Variants in ADGRB3 observed in about 807,000 individuals in gnomAD.
ADGRB3 encodes adhesion G protein-coupled receptor B3, also known as brain-specific angiogenesis inhibitor 3.
A neutral mutation model predicts 193.4 loss-of-function variants in ADGRB3; 37 were observed. The ratio of observed to expected loss-of-function variants is 0.19; its 90% CI spans 0.15 to 0.25. ADGRB3 has a LOEUF of 0.25. ADGRB3 is among the 10% of genes least tolerant of loss of function. The probability of loss-of-function intolerance (pLI) is 1.00; values close to 1 mark genes in which losing one functional copy is unlikely to be tolerated. For missense variants in ADGRB3, 1,637 were observed against 1,852.9 expected (o/e 0.88, Z 2.14); for synonymous variants, 690 against 644.2 (o/e 1.07, Z -1.08).
chr6:69,082,911 G>A lies in ADGRB3; in HGVS notation c.2480+6873G>A, dbSNP rs138211506. On this transcript the variant is annotated intron_variant, in intron 17 of 31. Coordinates refer to ENST00000370598, the MANE Select transcript of ADGRB3 (RefSeq NM_001704.3). ...AAGTGCATTCCTCCAAAAACAATTC[G>A]TATTTGCCTCTGCTTATTACTTGTT... Among the ~76,000 whole-genome samples, 40 of 152,188 alleles carry A rather than the reference G, an allele frequency of 2.6e-4. 1 individual carries two copies. The highest frequency in any genetic ancestry group is 2.2e-3 in the Admixed American group (34 of 15,282).
At position 68,854,198 on chromosome 6, in the gene ADGRB3, G is replaced by A. The variant is rs755989736; in HGVS notation, c.758-76361G>A. Reference sequence around the variant, plus strand: ...TTCCTTCCATTAGGTAATCTCTGCAGTTCTCTGGCTATGGCTGTTAAATAT... The same window carrying A: ...TTCCTTCCATTAGGTAATCTCTGCAATTCTCTGGCTATGGCTGTTAAATAT... On this transcript the variant is annotated intron_variant, in intron 3 of 31. Coordinates refer to ENST00000370598, the MANE Select transcript of ADGRB3 (RefSeq NM_001704.3). Among the ~76,000 whole-genome samples the A allele has an allele frequency of 2.0e-5, 3 of 152,232 alleles. No individual in the cohort carries two copies. In the South Asian group the frequency reaches 6.2e-4, roughly 32 times the overall value.
At chr6:69,268,837 G>C (rs1767108833) in intron 20 of ADGRB3, among the ~76,000 whole-genome samples, 1 of 152,104 alleles carries the variant, frequency 6.6e-6, no homozygotes, top group Admixed American at 6.6e-5. Flanking sequence ...GGCAGGACTG[G>C]TTAATGGCTG....
At chr6:68,748,398 C>T (rs888566823) in intron 3 of ADGRB3, among the ~76,000 whole-genome samples, 1 of 152,122 alleles carries the variant, frequency 6.6e-6, no homozygotes, top group Non-Finnish European at 1.5e-5. Flanking sequence ...TATAGCCATT[C>T]CAAATGGGAG....
intron 17 of ADGRB3, among the ~76,000 whole-genome samples, chr6:69,134,484 G>A (rs999290664): frequency 1.2e-4 from 19 of 152,062 alleles, no homozygotes; most frequent in African/African-American, 4.6e-4. Context: ...TTACTTCCCT[G>A]TAATCCCCAT....
intron 15 of ADGRB3, among the ~76,000 whole-genome samples, chr6:69,057,914 C>A (rs1771594204): frequency 6.6e-6 from 1 of 151,624 alleles, no homozygotes; most frequent in Non-Finnish European, 1.5e-5. Flanking sequence ...TATATAGTAT[C>A]TTTGTCTGAT....
Position 68,974,149 on chromosome 6 carries a change from A to G in ADGRB3, c.1526-614A>G, listed in dbSNP as rs569320814. On this transcript the variant is annotated intron_variant, in intron 8 of 31. Transcript: ENST00000370598. ...TGTTTGTTGGAAGTCACTTTTTTGT[A>G]TAACATCCTAAAATATTATAAATAT... Among the ~76,000 whole-genome samples the G allele has an allele frequency of 7.2e-5, 11 of 152,164 alleles. No individual in the cohort carries two copies. In the East Asian group the frequency reaches 1.9e-3, roughly 27 times the overall value.
chr6:69,178,423 C>A (rs1775491201), intron 17 of ADGRB3, among the ~76,000 whole-genome samples: 1 of 152,128 alleles, frequency 6.6e-6, no homozygotes, highest in Admixed American at 6.5e-5. Flanking sequence ...ACTTGCCACT[C>A]TGTGCCTTTT....
chr6:68,803,291 C>T (rs1049737758), intron 3 of ADGRB3, among the ~76,000 whole-genome samples: 1 of 152,160 alleles, frequency 6.6e-6, no homozygotes, highest in African/African-American at 2.4e-5. Flanking sequence ...AGGCTATCCA[C>T]CTGTTCCTTT....
intron 3 of ADGRB3, among the ~76,000 whole-genome samples, chr6:68,863,787 C>G (rs970706597): frequency 1.3e-5 from 2 of 152,120 alleles, no homozygotes; most frequent in Non-Finnish European, 2.9e-5. Flanking sequence ...CTTAGGCTCT[C>G]TCAATATCCG....
At chr6:69,089,051 T>C (rs1188336467) in intron 17 of ADGRB3, among the ~76,000 whole-genome samples, 1 of 152,182 alleles carries the variant, frequency 6.6e-6, no homozygotes, top group African/African-American at 2.4e-5. Flanking sequence ...GAATGATAAT[T>C]TAATTTAAGA....
chr6:68,770,172 T>G (rs764947972), intron 3 of ADGRB3, among the ~76,000 whole-genome samples: 1 of 152,104 alleles, frequency 6.6e-6, no homozygotes, highest in South Asian at 2.1e-4. Context: ...GGGCTCTTAT[T>G]GATTATTTGG....
chr6:69,322,670 C>A (rs1277436885), intron 20 of ADGRB3, among the ~76,000 whole-genome samples: 1 of 151,898 alleles, frequency 6.6e-6, no homozygotes, highest in Non-Finnish European at 1.5e-5. Flanking sequence ...TAATTCTTCA[C>A]ATGCTGAAGC....
chr6:69,059,211 CT>C (rs1164475991), intron 15 of ADGRB3, among the ~76,000 whole-genome samples: 1 of 151,904 alleles, frequency 6.6e-6, no homozygotes, highest in Non-Finnish European at 1.5e-5. Context: ...TACATTGTGT[CT>C]TTTTTTGTCT....
At chr6:68,731,361 G>GT (rs1371519477) in intron 3 of ADGRB3, among the ~76,000 whole-genome samples, 2 of 151,216 alleles carry the variant, frequency 1.3e-5, no homozygotes, top group African/African-American at 4.8e-5. Context: ...AAAATACATT[G>GT]TAAGTTAATA....
intron 3 of ADGRB3, among the ~76,000 whole-genome samples, chr6:68,705,694 G>A (rs1041147202): frequency 2.0e-5 from 3 of 152,186 alleles, no homozygotes; most frequent in African/African-American, 7.2e-5. Flanking sequence ...TCAGGGACTA[G>A]CGCTGAAGAA....
intron 3 of ADGRB3, among the ~76,000 whole-genome samples, chr6:68,772,892 A>ATATATAT (rs1293211041): frequency 3.9e-4 from 12 of 30,534 alleles, no homozygotes; most frequent in African/African-American, 8.1e-4. Context: ...CAAAAAAAAA[A>ATATATAT]AAATATATAT....
intron 17 of ADGRB3, among the ~76,000 whole-genome samples, chr6:69,158,761 G>C (rs1035116052): frequency 6.6e-6 from 1 of 151,854 alleles, no homozygotes; most frequent in Non-Finnish European, 1.5e-5. Flanking sequence ...CCTCCACTCA[G>C]CTGTTTCTCA....
At chr6:69,068,040 C>G (rs985696100) in intron 16 of ADGRB3, among the ~76,000 whole-genome samples, 6 of 152,122 alleles carry the variant, frequency 3.9e-5, no homozygotes, top group Non-Finnish European at 7.4e-5. Context: ...AATCTGAAAG[C>G]AGCCATTGAC....
At chr6:69,188,847 T>C (rs952547763) in intron 17 of ADGRB3, among the ~76,000 whole-genome samples, 1 of 152,202 alleles carries the variant, frequency 6.6e-6, no homozygotes, top group Non-Finnish European at 1.5e-5. Context: ...TTTAATTTAA[T>C]GTCTTCACAT....
Sources: gnomAD v4.1 joint callset for allele counts (sites outside exome capture counted in the v4.1 genomes callset) on GRCh38, gnomAD v4.1.1 for gene constraint, MANE v1.5 for transcripts, NCBI Gene and HGNC (gene_info 2026-07-23, HGNC 2026-07-21) for gene names.